The following IL1RAPL1 variants were observed in gnomAD, a reference collection of about 807,000 sequenced individuals.
IL1RAPL1 encodes interleukin 1 receptor accessory protein like 1.
In IL1RAPL1, 3 loss-of-function variants were observed where a neutral mutation model predicts 48.4. The ratio of observed to expected loss-of-function variants is 0.06; its 90% confidence interval spans 0.03 to 0.16. The LOEUF (loss-of-function observed/expected upper bound fraction) is 0.16. Among genes scored for constraint, IL1RAPL1 ranks in the 10% least tolerant of loss-of-function variants. The pLI is 1.00. For missense variants in IL1RAPL1, 349 were observed against 530.6 expected (o/e 0.66, Z 3.36); for synonymous variants, 185 against 187.7 (o/e 0.99, Z 0.12).
chrX:29,354,319 G>A (rs762093450), intron 3 of IL1RAPL1, among the ~76,000 whole-genome samples: 2 of 111,131 alleles, frequency 1.8e-5, no homozygotes, highest in African/African-American at 3.3e-5. Context: ...TTTTAAAGTG[G>A]TACAAAGCTT....
At chrX:29,465,211 C>A (rs1431679169) in intron 5 of IL1RAPL1, among the ~76,000 whole-genome samples, 1 of 110,974 alleles carries the variant, frequency 9.0e-6, no homozygotes, top group East Asian at 2.8e-4. Context: ...TTAAGGCCAG[C>A]CTGGGCAACA....
rs191740683 is a variant in IL1RAPL1 at position 29,951,487 on chromosome X, A to C, written c.1202-3035A>C. Among the ~76,000 whole-genome samples the C allele has an allele frequency of 2.7e-4, 30 of 110,974 alleles. No homozygotes were observed. In the East Asian group the frequency reaches 8.0e-3, roughly 29 times the overall value. On this transcript the variant is annotated intron_variant, in intron 9 of 10. Transcript: ENST00000378993. ...AAGGTCTGGGAAGGTAAATTTGGTG[A>C]CTCTCTTCTCCAGAAGGAGAAGGAA...
chrX:29,652,927 A>G (rs1925562516), intron 5 of IL1RAPL1, among the ~76,000 whole-genome samples: 1 of 112,344 alleles, frequency 8.9e-6, no homozygotes, highest in Non-Finnish European at 1.9e-5. Context: ...CCCTAAAGTA[A>G]AAATGTCTTT....
chrX:29,371,844 A>G (rs11795600), intron 3 of IL1RAPL1, among the ~76,000 whole-genome samples: 12,211 of 111,716 alleles, frequency 0.11, 507 homozygotes, highest in South Asian at 0.17. Context: ...TCCACCATTG[A>G]TGGGCACCTA....
intron 1 of IL1RAPL1, among the ~76,000 whole-genome samples, chrX:28,634,321 A>ATG (rs750797992): frequency 9.1e-4 from 98 of 108,285 alleles, no homozygotes; most frequent in African/African-American, 3.2e-3. Flanking sequence ...TTATTTATAT[A>ATG]TATATGTGTG....
At chrX:29,637,026 C>T (rs1360971988) in intron 5 of IL1RAPL1, among the ~76,000 whole-genome samples, 1 of 100,712 alleles carries the variant, frequency 9.9e-6, no homozygotes, top group Non-Finnish European at 2.0e-5. Context: ...GCACTTCAGC[C>T]TGGGCAACAA....
chrX:29,764,595 T>C (rs890234307), intron 6 of IL1RAPL1, among the ~76,000 whole-genome samples: 2 of 112,109 alleles, frequency 1.8e-5, no homozygotes, highest in African/African-American at 6.5e-5. Flanking sequence ...GGGTTACAGC[T>C]GGAGGACATA....
intron 3 of IL1RAPL1, among the ~76,000 whole-genome samples, chrX:29,330,718 T>C (rs1320818157): frequency 4.5e-5 from 5 of 111,298 alleles, no homozygotes. Flanking sequence ...CAGGTTCTTG[T>C]TGCTGAGGTT....
intron 5 of IL1RAPL1, among the ~76,000 whole-genome samples, chrX:29,430,613 G>GTGTA (rs1211537767): frequency 9.4e-6 from 1 of 106,935 alleles, no homozygotes; most frequent in Non-Finnish European, 1.9e-5. Context: ...GTGTGTGTGT[G>GTGTA]TGTATGTGTA....
chrX:29,955,370 G>A lies in IL1RAPL1; in HGVS notation c.1641G>A (p.Leu547=). Residue 547 remains leucine, a synonymous_variant, in exon 11 of 11, where the codon TTG becomes TTA. Transcript: ENST00000378993. The part of the protein sequence containing the change: ...IKWHGPKCNK[L]NSKFWKRLQY... ...GGCATGGACCAAAATGCAACAAGTTGAACTCCAAGTTCTGGAAACGTTTAC... is the reference window on the plus strand; with the variant it reads ...GGCATGGACCAAAATGCAACAAGTTAAACTCCAAGTTCTGGAAACGTTTAC... The A allele has an allele frequency of 8.3e-7, 1 of 1,211,298 alleles. No individual in the cohort carries two copies. Among genetic ancestry groups the A allele is most frequent in the Non-Finnish European group, 1.1e-6 (1 of 895,334 alleles).
chrX:29,920,794 C>CAAAAAAAAAAAAAAAAAAAAAAAA (rs1176529100), intron 8 of IL1RAPL1, among the ~76,000 whole-genome samples: 1 of 31,636 alleles, frequency 3.2e-5, no homozygotes, highest in African/African-American at 1.3e-4. Flanking sequence ...GACCCTGTCT[C>CAAAAAAAAAAAAAAAAAAAAAAAA]AAAAAAAAAA....
intron 2 of IL1RAPL1, among the ~76,000 whole-genome samples, chrX:28,815,408 G>T (rs191640577): frequency 2.7e-4 from 30 of 110,401 alleles, no homozygotes; most frequent in Admixed American, 1.5e-3. Context: ...ATCAAATCAG[G>T]ATAATTGGGA....
chrX:29,886,187 G>T (rs771217188), intron 6 of IL1RAPL1, among the ~76,000 whole-genome samples: 1 of 112,245 alleles, frequency 8.9e-6, no homozygotes, highest in East Asian at 2.8e-4. Context: ...ATTTAACTCA[G>T]TGTTTCAAAA....
intron 5 of IL1RAPL1, among the ~76,000 whole-genome samples, chrX:29,525,884 G>A (rs1935548216): frequency 8.9e-6 from 1 of 112,016 alleles, no homozygotes; most frequent in African/African-American, 3.2e-5. Context: ...GGCTGAGGCT[G>A]GTAATTTTTT....
intron 2 of IL1RAPL1, among the ~76,000 whole-genome samples, chrX:29,013,134 A>T (rs1287954024): frequency 9.1e-6 from 1 of 110,489 alleles, no homozygotes; most frequent in Non-Finnish European, 1.9e-5. Flanking sequence ...CATTAGAGAA[A>T]TGCAAATCAA....
At chrX:29,228,582 T>C (rs1439278008) in intron 2 of IL1RAPL1, among the ~76,000 whole-genome samples, 1 of 110,455 alleles carries the variant, frequency 9.1e-6, no homozygotes, top group Non-Finnish European at 1.9e-5. Flanking sequence ...CTCAAACTCC[T>C]GACCTCCTGA....
intron 2 of IL1RAPL1, among the ~76,000 whole-genome samples, chrX:29,070,261 C>T (rs1927537872): frequency 1.8e-5 from 2 of 111,924 alleles, no homozygotes; most frequent in African/African-American, 6.5e-5. Context: ...ATATGTATTG[C>T]TTCCAAACTG....
chrX:29,681,286 C>T (rs1193227345), intron 6 of IL1RAPL1, among the ~76,000 whole-genome samples: 2 of 112,044 alleles, frequency 1.8e-5, no homozygotes, highest in African/African-American at 6.5e-5. Flanking sequence ...ATGGCTATCA[C>T]GAAATATGAA....
intron 5 of IL1RAPL1, among the ~76,000 whole-genome samples, chrX:29,511,356 C>G (rs1355303737): frequency 2.7e-5 from 3 of 111,859 alleles, no homozygotes; most frequent in African/African-American, 9.7e-5. Context: ...TGCCTCAGAG[C>G]AAATGCACAG....
Sources: gnomAD v4.1 joint callset for allele counts (sites outside exome capture counted in the v4.1 genomes callset) on GRCh38, gnomAD v4.1.1 for gene constraint, MANE v1.5 for transcripts, NCBI Gene and HGNC (gene_info 2026-07-23, HGNC 2026-07-21) for gene names.